NLRP7: variants seen among roughly 807,000 people sequenced by gnomAD.
NLRP7 encodes NLR family pyrin domain containing 7.
Under a neutral mutation model 85.5 loss-of-function variants are expected in NLRP7, and 72 were observed. That is an observed-to-expected ratio of 0.84 (90% CI 0.70 to 1.02). The LOEUF (loss-of-function observed/expected upper bound fraction) is 1.02. Among genes scored for constraint, NLRP7 ranks in the 50% least tolerant of loss-of-function variants. The probability of loss-of-function intolerance (pLI) is 0.00; values close to 1 mark genes in which losing one functional copy is unlikely to be tolerated. For missense variants in NLRP7, 1,243 were observed against 1,219.5 expected (o/e 1.02, Z -0.29); for synonymous variants, 550 against 505.2 (o/e 1.09, Z -1.19).
chr19:54,936,435 G>A lies in NLRP7; in HGVS notation c.2130-4C>T. The A allele has an allele frequency of 6.2e-7, 1 of 1,613,098 alleles. No individual in the cohort carries two copies. Among genetic ancestry groups the A allele is most frequent in the Non-Finnish European group, 8.5e-7 (1 of 1,179,060 alleles). On this transcript the variant is annotated splice_region_variant and splice_polypyrimidine_tract_variant and intron_variant, in intron 5 of 9. Coordinates refer to ENST00000340844, the Ensembl canonical transcript of NLRP7. The stretch of plus-strand genomic sequence containing the variant: ...GTCAGGGGTGACGTTTTTAATCCTA[G>A]GGAAAAGCAGAAGAGATTCCACTTG...
chr19:54,938,773 T>C, intron 4 of NLRP7, 115 bp downstream of exon 4: 1 of 1,167,248 alleles, frequency 8.6e-7, no homozygotes, highest in Non-Finnish European at 1.3e-6. Flanking sequence ...GTCTCCACGT[T>C]GAACATGAAG....
Position 54,942,652 on chromosome 19 carries a change from G to A in NLRP7, c.-39-902C>T, listed in dbSNP as rs535517061. On this transcript the variant is annotated intron_variant, in intron 1 of 9. Coordinates refer to ENST00000340844, the Ensembl canonical transcript of NLRP7. ...TCACACTTGAACCTGGGAGGTGGAG[G>A]TTGCATGATCTGAGATCACGCCATT... Among the ~76,000 whole-genome samples, 179 of 152,098 alleles carry A rather than the reference G, an allele frequency of 1.2e-3. 2 individuals are homozygous for A. The highest frequency in any genetic ancestry group is 1.2e-3 in the Non-Finnish European group (80 of 67,990).
rs532046401 is a variant in NLRP7, at chr19:54,934,126, A to T, written c.2471+363T>A. ...TGGATAATTTTTTGTATTTTTTAGT[A>T]GAGACGGGGTTTCACCATGTTAGCC... On this transcript the variant is annotated intron_variant, in intron 7 of 9. Coordinates refer to ENST00000340844, the Ensembl canonical transcript of NLRP7. The surrounding 1 kb of genome is among the most constrained non-coding windows in gnomAD (Gnocchi z 6.7). 9.3e-4 allele frequency among the ~76,000 whole-genome samples: 142 copies of T among 152,288 alleles called. 1 individual carries two copies. The highest frequency in any genetic ancestry group is 6.8e-3 in the Middle Eastern group (2 of 294).
intron 1 of NLRP7, among the ~76,000 whole-genome samples, chr19:54,963,762 T>G (rs1434052361): frequency 2.0e-5 from 3 of 148,500 alleles, no homozygotes; most frequent in Non-Finnish European, 4.5e-5. Flanking sequence ...AGGCGGAGGT[T>G]GCAGTGAGCC....
intron 8 of NLRP7, among the ~76,000 whole-genome samples, chr19:54,931,766 C>T (rs2068689184): frequency 6.6e-6 from 1 of 151,710 alleles, no homozygotes; most frequent in African/African-American, 2.4e-5. Context: ...AGGAGAATTA[C>T]TTGAACCCAG....
chr19:54,942,077 C>A (rs1363519138), intron 1 of NLRP7, among the ~76,000 whole-genome samples: 1 of 151,614 alleles, frequency 6.6e-6, no homozygotes, highest in Non-Finnish European at 1.5e-5. Flanking sequence ...CACAGTGAAA[C>A]CCCTGCCTCT....
chr19:54,965,478 C>T (rs1457039895), intron 1 of NLRP7: 4 of 100,856 alleles, frequency 4.0e-5, no homozygotes, highest in South Asian at 2.7e-4. Context: ...TTTTCTGAGA[C>T]GGAGTCTCGC....
chr19:54,938,837 G>A (rs775754297), intron 4 of NLRP7, 51 bp downstream of exon 4: 4 of 1,599,842 alleles, frequency 2.5e-6, no homozygotes, highest in South Asian at 2.2e-5. Context: ...CAGGGCAAAG[G>A]AGACGCTGGC....
At position 54,944,027 on chromosome 19, in the gene NLRP7, G is replaced by C. The variant is rs2069358888; in HGVS notation, c.-39-2277C>G. On this transcript the variant is annotated intron_variant, in intron 1 of 9. Transcript: ENST00000340844. The stretch of plus-strand genomic sequence containing the variant: ...CCAGGGACACAATACACTGCGGAAG[G>C]CTGCAGGGACCTCTGCCTAGAAAAG... Among the ~76,000 whole-genome samples the C allele has an allele frequency of 3.3e-5, 5 of 152,016 alleles. No homozygotes were observed. The South Asian group carries it at 8.3e-4, about 25-fold the overall frequency.
rs1287520953 is a variant in NLRP7, at chr19:54,928,198, C to T, written c.2810+2301G>A. On this transcript the variant is annotated intron_variant, in intron 9 of 9. Coordinates refer to ENST00000340844, the Ensembl canonical transcript of NLRP7. The stretch of plus-strand genomic sequence containing the variant: ...TTGCGCCACTGCACTCCAGCCTGGG[C>T]AATAGAATGAGACTCCATCTCACAA... Among the ~76,000 whole-genome samples the T allele has an allele frequency of 2.0e-5, 3 of 152,034 alleles. No homozygotes were observed. In the East Asian group the frequency reaches 5.8e-4, roughly 29 times the overall value.
At chr19:54,952,363 C>A (rs991204396), upstream of NLRP7, among the ~76,000 whole-genome samples, 11 of 152,002 alleles carry the variant, frequency 7.2e-5, no homozygotes, top group Non-Finnish European at 1.5e-4. Flanking sequence ...GAGGCCAAGG[C>A]AGGTGAATCA....
exon 1 of NLRP7, chr19:54,966,190 G>T (rs1375160477): frequency 6.6e-6 from 1 of 151,536 alleles, no homozygotes; most frequent in African/African-American, 2.4e-5. Flanking sequence ...ATCTCTAGGC[G>T]TTCGTGCTTT....
At chr19:54,947,508 G>A, upstream of NLRP7, 1 of 1,289,612 alleles carries the variant, frequency 7.8e-7, no homozygotes, top group South Asian at 1.2e-5. Flanking sequence ...TGTGTTTCCT[G>A]CAAAGGAAAC....
intron 1 of NLRP7, among the ~76,000 whole-genome samples, chr19:54,958,522 G>A (rs762893052): frequency 1.1e-4 from 16 of 151,918 alleles, no homozygotes; most frequent in Admixed American, 2.6e-4. Context: ...GTGCATGCCT[G>A]TAATCCCAGC....
intron 1 of NLRP7, among the ~76,000 whole-genome samples, chr19:54,952,524 G>A (rs2069702712): frequency 1.3e-5 from 2 of 151,834 alleles, no homozygotes; most frequent in African/African-American, 2.4e-5. Flanking sequence ...AACCTGGGAG[G>A]CGGAGGTTGC....
At chr19:54,956,933 T>C (rs1477258713) in intron 1 of NLRP7, among the ~76,000 whole-genome samples, 2 of 151,872 alleles carry the variant, frequency 1.3e-5, no homozygotes, top group African/African-American at 4.8e-5. Context: ...CTTTTCCCCC[T>C]TTTATCATAC....
At chr19:54,962,197 T>C (rs2146288894) in intron 1 of NLRP7, among the ~76,000 whole-genome samples, 1 of 149,688 alleles carries the variant, frequency 6.7e-6, no homozygotes, top group Admixed American at 6.7e-5. Flanking sequence ...AAAAAGAATT[T>C]ATTGAAATGT....
At chr19:54,964,211 GTTTTTT>G (rs747785772) in intron 1 of NLRP7, among the ~76,000 whole-genome samples, 4 of 52,474 alleles carry the variant, frequency 7.6e-5, no homozygotes, top group Non-Finnish European at 1.3e-4. Context: ...TTTATATGGT[GTTTTTT>G]TTTTTTTTTT....
chr19:54,953,966 C>T (rs1363928102), intron 1 of NLRP7, among the ~76,000 whole-genome samples: 2 of 151,784 alleles, frequency 1.3e-5, no homozygotes, highest in East Asian at 3.9e-4. Flanking sequence ...GAGATCGCGC[C>T]ACTGCACTCC....
Sources: allele counts gnomAD v4.1 joint callset (sites outside exome capture counted in the v4.1 genomes callset), GRCh38; gene constraint gnomAD v4.1.1; non-coding constraint Gnocchi (gnomAD v3.1); transcripts MANE v1.5; gene names NCBI Gene and HGNC (gene_info 2026-07-23, HGNC 2026-07-21).